The following DDX31 variants were observed in gnomAD, a reference collection of about 807,000 sequenced individuals.
DDX31 encodes the protein ATP-dependent DNA helicase DDX31.
In DDX31, 70 loss-of-function variants were observed where a neutral mutation model predicts 91.3. The observed-to-expected ratio is 0.77, with a 90% CI of 0.63 to 0.94. The LOEUF (loss-of-function observed/expected upper bound fraction) is 0.94. Ranked by LOEUF, DDX31 falls within the 40% of genes least tolerant of loss-of-function variation. The pLI is 0.00. For synonymous variants in DDX31, 362 were observed against 350.6 expected, an observed-to-expected ratio of 1.03 and a Z score of -0.36; for missense variants, 902 against 925.0, an observed-to-expected ratio of 0.98 and a Z score of 0.32.
At chr9:132,620,847 GAC>G (rs1491059051) in intron 17 of DDX31, among the ~76,000 whole-genome samples, 2 of 135,538 alleles carry the variant, frequency 1.5e-5, no homozygotes, top group Non-Finnish European at 3.3e-5. Context: ...CACCCTCCAA[GAC>G]ACAGAGTCAG....
intron 6 of DDX31, among the ~76,000 whole-genome samples, chr9:132,654,012 A>G (rs536841183): frequency 7.9e-5 from 12 of 152,180 alleles, no homozygotes; most frequent in Non-Finnish European, 1.3e-4. Context: ...AAATAATATA[A>G]GGGCCATTTT....
chr9:132,627,510 T>C (rs907886682), intron 16 of DDX31, among the ~76,000 whole-genome samples: 2 of 152,236 alleles, frequency 1.3e-5, no homozygotes, highest in African/African-American at 4.8e-5. Context: ...AATAAATAAA[T>C]TCAGGGAACT....
At chr9:132,608,882 T>C (rs1211949173) in intron 19 of DDX31, among the ~76,000 whole-genome samples, 1 of 152,154 alleles carries the variant, frequency 6.6e-6, no homozygotes, top group East Asian at 1.9e-4. Flanking sequence ...AAACCCTGAC[T>C]GAGGTGTGGA....
At chr9:132,662,808 T>G (rs1227058198) in intron 1 of DDX31, 113 bp from the exon 2 acceptor site, 3 of 1,346,128 alleles carry the variant, frequency 2.2e-6, no homozygotes, top group Non-Finnish European at 3.1e-6. Flanking sequence ...CAGAGATCAT[T>G]ATGCCCCATA....
chr9:132,628,378 A>G (rs953737632), intron 16 of DDX31, among the ~76,000 whole-genome samples: 6 of 152,188 alleles, frequency 3.9e-5, no homozygotes, highest in Non-Finnish European at 8.8e-5. Context: ...TCTCCTTTCT[A>G]ATGCGGGATT....
At chr9:132,608,904 G>A (rs147515930) in intron 19 of DDX31, among the ~76,000 whole-genome samples, 98 of 152,238 alleles carry the variant, frequency 6.4e-4, no homozygotes, top group African/African-American at 2.3e-3. Flanking sequence ...AATCTGTCAA[G>A]TTTTCTCTGC....
chr9:132,651,023 C>A lies in DDX31; in HGVS notation c.675+52G>T, dbSNP rs1356247262. 22 of 1,501,448 alleles carry A rather than the reference C, an allele frequency of 1.5e-5. No homozygotes were observed. The Admixed American group carries it at 4.0e-4, about 28-fold the overall frequency. The allele number at this position is 1,501,448 out of a possible 1,614,324, so 93.0% of individuals were successfully genotyped here. ...AAGAATAGACTGTAGTATATTAAAT[C>A]CTTCCTCAAAGTCAGCAAGCAAGAT... On this transcript the variant is annotated intron_variant, in intron 8 of 19. Transcript: ENST00000372159.
chr9:132,593,112 C>G lies in DDX31; in HGVS notation c.*1754G>C, dbSNP rs889323915. ...GTAATATAGTGATTCTACTTAGAAACAGACCCACATAGCATCTATGGCAAG... is the reference window on the plus strand; with the variant it reads ...GTAATATAGTGATTCTACTTAGAAAGAGACCCACATAGCATCTATGGCAAG... On this transcript the variant is annotated 3_prime_UTR_variant, in exon 20 of 20. Transcript: ENST00000372159. 1 of 152,158 alleles carries G rather than the reference C, an allele frequency of 6.6e-6. No individual in the cohort carries two copies. Among genetic ancestry groups the G allele is most frequent in the African/African-American group, 2.4e-5 (1 of 41,426 alleles). The allele number at this position is 152,158 out of a possible 1,614,324, so 9.4% of individuals were successfully genotyped here.
intron 15 of DDX31, among the ~76,000 whole-genome samples, 196 bp from the exon 16 acceptor site, chr9:132,630,599 G>A (rs1832662816): frequency 6.6e-6 from 1 of 152,212 alleles, no homozygotes; most frequent in Admixed American, 6.5e-5. Context: ...GCTCCGACAA[G>A]CAAATGTGAA....
chr9:132,642,934 C>T (rs1008970905), intron 13 of DDX31, among the ~76,000 whole-genome samples: 5 of 151,934 alleles, frequency 3.3e-5, no homozygotes, highest in Admixed American at 1.3e-4. Flanking sequence ...AAGTGATCCT[C>T]CCACCTTGGC....
In DDX31 at chr9:132,630,378, T is replaced by C. The variant is rs1007681170; in HGVS notation, c.1517A>G (p.Glu506Gly). ...GGTTCTTCCAATCCGGTGGATGTATTCTGCAGGTGAAGATGGAGCGTTGTA... is the reference window on the plus strand; with the variant it reads ...GGTTCTTCCAATCCGGTGGATGTATCCTGCAGGTGAAGATGGAGCGTTGTA... Reference protein sequence around the residue: ...VQYNAPSSPAEYIHRIGRTAR... With the variant: ...VQYNAPSSPAGYIHRIGRTAR... The change falls in exon 16 of 20, where the codon GAA (glutamate) becomes GGA (glycine). Residue 506 changes from glutamate to glycine, a missense_variant. By Grantham distance (98) the Glu-to-Gly change is moderately conservative. Transcript: ENST00000372159. 2.5e-6 allele frequency: 4 copies of C among 1,601,574 alleles called. No homozygotes were observed. The African/African-American group carries it at 5.3e-5, about 21-fold the overall frequency.
At chr9:132,614,169 C>T (rs963509958) in intron 18 of DDX31, among the ~76,000 whole-genome samples, 9 of 152,158 alleles carry the variant, frequency 5.9e-5, no homozygotes, top group Non-Finnish European at 8.8e-5. Flanking sequence ...AGATCAGCTC[C>T]TGGAAGGATC....
chr9:132,646,615 A>C (rs538314337), intron 12 of DDX31, among the ~76,000 whole-genome samples: 1 of 152,342 alleles, frequency 6.6e-6, no homozygotes, highest in African/African-American at 2.4e-5. Flanking sequence ...TTTCAAGCTG[A>C]ACATCATGGC....
intron 1 of DDX31, among the ~76,000 whole-genome samples, chr9:132,664,817 G>C (rs902235540): frequency 1.2e-4 from 18 of 151,692 alleles, no homozygotes; most frequent in African/African-American, 4.4e-4. Context: ...CTGCCACTCG[G>C]GTCTTCCTTC....
Position 132,642,056 on chromosome 9 carries a change from G to C in DDX31, c.1388C>G (p.Thr463Arg). 6.2e-7 allele frequency: 1 copy of C among 1,614,144 alleles called. No homozygotes were observed. The highest frequency in any genetic ancestry group is 8.5e-7 in the Non-Finnish European group (1 of 1,179,986). Residue 463 changes from threonine (T) to arginine (R), a missense_variant, in exon 14 of 20, where the codon ACA (threonine) becomes AGA (arginine). Coordinates refer to ENST00000372159, the MANE Select transcript of DDX31 (RefSeq NM_022779.9). Reference protein sequence around the residue: ...LHGGMEQEERTAVFQEFSHSR... With the variant: ...LHGGMEQEERRAVFQEFSHSR... ...ATGTGAAAATTCCTGAAACACTGCT[G>C]TTCTTTCCTACAAAAACAAGGAAAA...
At chr9:132,666,518 AT>A (rs11430261) in intron 1 of DDX31, among the ~76,000 whole-genome samples, 1 of 151,164 alleles carries the variant, frequency 6.6e-6, no homozygotes, top group Non-Finnish European at 1.5e-5. Flanking sequence ...AATATCAGAA[AT>A]TTTTTTTTGT....
chr9:132,602,688 A>G (rs1830785283), intron 19 of DDX31, among the ~76,000 whole-genome samples: 1 of 152,064 alleles, frequency 6.6e-6, no homozygotes, highest in Non-Finnish European at 1.5e-5. Context: ...TCTACGACCC[A>G]CTCTTGGAAG....
rs1446975294 is a variant in DDX31, at chr9:132,659,598, C to G, written c.523+112G>C. On this transcript the variant is annotated intron_variant, in intron 5 of 19. Coordinates refer to ENST00000372159, the MANE Select transcript of DDX31 (RefSeq NM_022779.9). Reference sequence around the variant, plus strand: ...TAATCAAAAGCATGGCCTCCCTCCCCCAAACGAAACAAAACTGCCACCACC... The same window carrying G: ...TAATCAAAAGCATGGCCTCCCTCCCGCAAACGAAACAAAACTGCCACCACC... The G allele has an allele frequency of 4.9e-6, 5 of 1,026,048 alleles. No homozygotes were observed. The African/African-American group carries it at 6.4e-5, about 13-fold the overall frequency. 63.6% of individuals were successfully genotyped at this position (1,026,048 alleles called of 1,614,324 possible). A position where few individuals can be genotyped will look rare whatever the true frequency, so the allele number is the denominator to read the frequency against.
intron 14 of DDX31, among the ~76,000 whole-genome samples, chr9:132,635,255 C>G (rs1016905694): frequency 6.6e-6 from 1 of 152,000 alleles, no homozygotes; most frequent in Non-Finnish European, 1.5e-5. Flanking sequence ...TGAGACCATG[C>G]GAATAGCATG....
Sources: allele counts gnomAD v4.1 joint callset (sites outside exome capture counted in the v4.1 genomes callset), GRCh38; gene constraint gnomAD v4.1.1; transcripts MANE v1.5; gene names NCBI Gene and HGNC (gene_info 2026-07-23, HGNC 2026-07-21).